Variants in TLN2 observed in about 807,000 individuals in gnomAD.
TLN2 encodes the protein talin-2.
A neutral mutation model predicts 294.7 loss-of-function variants in TLN2; 118 were observed. That is an observed-to-expected ratio of 0.40 (90% CI 0.34 to 0.47). The LOEUF is 0.47. TLN2 is among the 20% of genes least tolerant of loss of function. The pLI, the probability that TLN2 is intolerant of heterozygous loss-of-function variation, is 0.84. For missense variants in TLN2, 3,083 were observed against 3,282.2 expected, an observed-to-expected ratio of 0.94 and a Z score of 1.48; for synonymous variants, 1,431 against 1,304.5, an observed-to-expected ratio of 1.10 and a Z score of -2.09.
intron 26 of TLN2, 62 bp from the exon 27 acceptor site, chr15:62,724,914 A>G (rs1216320997): frequency 2.6e-6 from 4 of 1,547,178 alleles, no homozygotes; most frequent in Non-Finnish European, 3.5e-6. Context: ...ATAAGTTGCA[A>G]AAGTGTTGGG....
intron 1 of TLN2, among the ~76,000 whole-genome samples, chr15:62,467,610 A>T (rs2037213873): frequency 6.6e-6 from 1 of 152,138 alleles, no homozygotes; most frequent in Non-Finnish European, 1.5e-5. Context: ...GAGAATCGCC[A>T]AGAGGTAGAG....
Position 62,755,503 on chromosome 15 carries a change from T to C in TLN2, c.4477-29T>C, listed in dbSNP as rs1555499848. The C allele has an allele frequency of 6.2e-6, 10 of 1,610,868 alleles. No individual in the cohort carries two copies. The Admixed American group carries it at 1.5e-4, about 24-fold the overall frequency. On this transcript the variant is annotated intron_variant, in intron 36 of 58. Transcript: ENST00000636159. Reference sequence around the variant, plus strand: ...GACCCCTCTGCACTGTAGCATGGGGTACCCCCAACCTAGCTCCATGCTTTG... The same window carrying C: ...GACCCCTCTGCACTGTAGCATGGGGCACCCCCAACCTAGCTCCATGCTTTG...
chr15:62,538,296 A>G (rs181516563), intron 1 of TLN2, among the ~76,000 whole-genome samples: 25 of 152,288 alleles, frequency 1.6e-4, no homozygotes, highest in Non-Finnish European at 3.1e-4. Context: ...CCATTCTTCC[A>G]TCAAGAGCTC....
At chr15:62,612,477 T>TG (rs1476295938) in intron 2 of TLN2, among the ~76,000 whole-genome samples, 2 of 152,198 alleles carry the variant, frequency 1.3e-5, no homozygotes, top group Non-Finnish European at 2.9e-5. Flanking sequence ...TTCAGAACTA[T>TG]GACAACAAGC....
intron 1 of TLN2, among the ~76,000 whole-genome samples, chr15:62,443,334 G>A (rs948579592): frequency 6.6e-6 from 1 of 152,014 alleles, no homozygotes; most frequent in Non-Finnish European, 1.5e-5. Flanking sequence ...TCCTTAACTG[G>A]TTCTAATATA....
rs112061627 is a variant in TLN2 at position 62,697,886 on chromosome 15, C to G, written c.1473+18C>G. On this transcript the variant is annotated intron_variant, in intron 15 of 58. Coordinates refer to ENST00000636159, the MANE Select transcript of TLN2 (RefSeq NM_015059.3). ...CGCCACTGGTGAGGCTTCCTGTGCT[C>G]GTCCCCCACTCGTTAGTCTGCTGCC... The G allele has an allele frequency of 3.7e-6, 6 of 1,608,094 alleles. No individual in the cohort carries two copies. The highest frequency in any genetic ancestry group is 5.1e-6 in the Non-Finnish European group (6 of 1,178,084).
At position 62,498,735 on chromosome 15, in the gene TLN2, G is replaced by GT. The variant is rs35732120; in HGVS notation, c.-237-90942dup. On this transcript the variant is annotated intron_variant, in intron 1 of 58. Transcript: ENST00000636159. Reference sequence around the variant, plus strand: ...CCCACAAAATTTGCTTCTTAGGAGGGTTTTTTTTTTCCTTATAGTTCTTTT... The same window carrying GT: ...CCCACAAAATTTGCTTCTTAGGAGGGTTTTTTTTTTTCCTTATAGTTCTTTT... Among the ~76,000 whole-genome samples, 10 of 149,262 alleles carry GT rather than the reference G, an allele frequency of 6.7e-5. No homozygotes were observed. In the South Asian group the frequency reaches 8.7e-4, roughly 13 times the overall value.
In TLN2 at chr15:62,723,324, G is replaced by C. The variant is rs150801311; in HGVS notation, c.3126+837G>C. Among the ~76,000 whole-genome samples the C allele has an allele frequency of 4.0e-3, 608 of 152,158 alleles. 4 individuals carry two copies. Among genetic ancestry groups the C allele is most frequent in the African/African-American group, 0.014 (590 of 41,520 alleles). On this transcript the variant is annotated intron_variant, in intron 26 of 58. Coordinates refer to ENST00000636159, the MANE Select transcript of TLN2 (RefSeq NM_015059.3). The stretch of plus-strand genomic sequence containing the variant: ...TACTGTCTACACTGGAATCACCTGG[G>C]GATGCTTATTAGAATGCACATCCCT...
chr15:62,430,745 G>C (rs1176608169), intron 1 of TLN2, among the ~76,000 whole-genome samples: 1 of 152,132 alleles, frequency 6.6e-6, no homozygotes, highest in African/African-American at 2.4e-5. Context: ...GGCCCGGTAT[G>C]TCAGATTGAA....
Position 62,437,919 on chromosome 15 carries a change from C to T in TLN2, c.-238+47234C>T, listed in dbSNP as rs184916862. Among the ~76,000 whole-genome samples the T allele has an allele frequency of 7.4e-4, 112 of 152,240 alleles. 2 individuals are homozygous for T. In the South Asian group the frequency reaches 0.014, roughly 19 times the overall value. ...ATTTATGCAACAACTGGCAATGCAA[C>T]GGATTGATTTACAGACTTCTGGGTG... On this transcript the variant is annotated intron_variant, in intron 1 of 58. Coordinates refer to ENST00000636159, the MANE Select transcript of TLN2 (RefSeq NM_015059.3).
intron 1 of TLN2, among the ~76,000 whole-genome samples, chr15:62,483,691 C>T (rs765697381): frequency 5.3e-5 from 8 of 152,158 alleles, no homozygotes; most frequent in Non-Finnish European, 1.2e-4. Flanking sequence ...CACTCTAAAA[C>T]GTACCATCTT....
intron 1 of TLN2, among the ~76,000 whole-genome samples, chr15:62,439,851 C>A (rs1410998951): frequency 6.6e-6 from 1 of 152,092 alleles, no homozygotes; most frequent in Non-Finnish European, 1.5e-5. Context: ...CAGTCAGAGG[C>A]CATTAATTAG....
intron 12 of TLN2, among the ~76,000 whole-genome samples, chr15:62,692,537 A>G (rs1285187146): frequency 1.3e-5 from 2 of 152,142 alleles, no homozygotes; most frequent in African/African-American, 2.4e-5. Flanking sequence ...GGAGGTTCCA[A>G]TGTTCAGGCC....
chr15:62,722,737 T>C (rs1236636864), intron 26 of TLN2, among the ~76,000 whole-genome samples: 2 of 152,340 alleles, frequency 1.3e-5, no homozygotes, highest in African/African-American at 2.4e-5. Context: ...TTCCTCCTCC[T>C]CCTCCTCTTT....
chr15:62,469,988 A>T (rs1455223877), intron 1 of TLN2, among the ~76,000 whole-genome samples: 1 of 152,188 alleles, frequency 6.6e-6, no homozygotes, highest in Non-Finnish European at 1.5e-5. Context: ...GCGCATGCAC[A>T]TGTAAGTCCA....
intron 1 of TLN2, among the ~76,000 whole-genome samples, chr15:62,414,250 T>C (rs559837912): frequency 7.6e-6 from 1 of 131,618 alleles, no homozygotes; most frequent in African/African-American, 2.7e-5. Context: ...GTGCTTGAGG[T>C]TTAATTTGAT....
intron 1 of TLN2, among the ~76,000 whole-genome samples, chr15:62,518,803 G>A (rs1376242087): frequency 1.3e-5 from 2 of 151,742 alleles, no homozygotes; most frequent in Non-Finnish European, 2.9e-5. Flanking sequence ...TCACCGTGTT[G>A]GCCTGGCTGG....
intron 1 of TLN2, among the ~76,000 whole-genome samples, chr15:62,577,527 A>G (rs997583622): frequency 6.6e-6 from 1 of 152,206 alleles, no homozygotes; most frequent in African/African-American, 2.4e-5. Flanking sequence ...TGAATCTGAT[A>G]TATGATACTT....
At chr15:62,659,230 A>G (rs2414790) in intron 9 of TLN2, among the ~76,000 whole-genome samples, 2,437 of 152,310 alleles carry the variant, frequency 0.016, 54 homozygotes, top group African/African-American at 0.055. Context: ...TGGAAGAAGC[A>G]GCAGAGAGAG....
Sources: allele counts gnomAD v4.1 joint callset (sites outside exome capture counted in the v4.1 genomes callset), GRCh38; gene constraint gnomAD v4.1.1; transcripts MANE v1.5; gene names NCBI Gene and HGNC (gene_info 2026-07-23, HGNC 2026-07-21).